Variants in SLC44A3 observed in about 807,000 individuals in gnomAD.
SLC44A3 encodes the protein choline transporter-like protein 3.
In SLC44A3, 74 loss-of-function variants were observed where a neutral mutation model predicts 75.4. That is an observed-to-expected ratio of 0.98 (90% CI 0.81 to 1.19). The LOEUF (loss-of-function observed/expected upper bound fraction) is 1.19, where lower values mean the gene tolerates loss of function less well. Among genes scored for constraint, SLC44A3 ranks in the 50% most tolerant of loss-of-function variants. SLC44A3 has a pLI of 0.00. For missense variants in SLC44A3, 700 were observed against 778.6 expected, an observed-to-expected ratio of 0.90 and a Z score of 1.20; for synonymous variants, 310 against 296.9, an observed-to-expected ratio of 1.04 and a Z score of -0.45.
At chr1:94,881,392 G>A (rs1277007480) in intron 12 of SLC44A3, among the ~76,000 whole-genome samples, 1 of 152,198 alleles carries the variant, frequency 6.6e-6, no homozygotes, top group Non-Finnish European at 1.5e-5. Flanking sequence ...CTTCAAATCA[G>A]AGAAGGTTGA....
At chr1:94,831,251 G>A (rs1226199218) in intron 5 of SLC44A3, among the ~76,000 whole-genome samples, 1 of 152,178 alleles carries the variant, frequency 6.6e-6, no homozygotes, top group Non-Finnish European at 1.5e-5. Flanking sequence ...CCTTGACTGA[G>A]TGGCCTTTTT....
Position 94,828,829 on chromosome 1 carries a change from G to A in SLC44A3, c.509+243G>A, listed in dbSNP as rs567393202. Among the ~76,000 whole-genome samples, 11 of 152,290 alleles carry A rather than the reference G, an allele frequency of 7.2e-5. No individual in the cohort carries two copies. In the South Asian group the frequency reaches 1.0e-3, roughly 14 times the overall value. On this transcript the variant is annotated intron_variant, in intron 5 of 14. Coordinates refer to ENST00000271227, the MANE Select transcript of SLC44A3 (RefSeq NM_001114106.3). ...AACTCAGCAAGCAATAAAAATACAC[G>A]TAGTCTTCAAAGAACACTAGAGCTA... is the stretch of plus-strand genomic sequence containing the variant.
intron 5 of SLC44A3, among the ~76,000 whole-genome samples, chr1:94,836,359 G>T (rs1039698938): frequency 1.6e-4 from 25 of 152,148 alleles, no homozygotes; most frequent in African/African-American, 5.6e-4. Context: ...CTAAAAAAAG[G>T]TCAACTTTCT....
At chr1:94,866,030 C>T (rs1010129210) in intron 11 of SLC44A3, among the ~76,000 whole-genome samples, 1 of 152,152 alleles carries the variant, frequency 6.6e-6, no homozygotes, top group Admixed American at 6.5e-5. Flanking sequence ...TAATATTTTG[C>T]TTGGCCACAT....
intron 9 of SLC44A3, among the ~76,000 whole-genome samples, chr1:94,848,888 G>A (rs1449584862): frequency 2.0e-5 from 3 of 152,076 alleles, no homozygotes; most frequent in Non-Finnish European, 1.5e-5. Flanking sequence ...GCTGGAAATC[G>A]CCAGGTCAGA....
At chr1:94,887,591 G>A (rs530696756) in intron 12 of SLC44A3, among the ~76,000 whole-genome samples, 41 of 152,286 alleles carry the variant, frequency 2.7e-4, no homozygotes, top group Non-Finnish European at 5.6e-4. Context: ...GCCAAAGAGC[G>A]AAATCTGTTT....
intron 2 of SLC44A3, among the ~76,000 whole-genome samples, chr1:94,823,180 C>A (rs1471866483): frequency 6.6e-6 from 1 of 152,144 alleles, no homozygotes; most frequent in Non-Finnish European, 1.5e-5. Flanking sequence ...GTGAGCTGGG[C>A]AGAAGCACAT....
intron 5 of SLC44A3, 108 bp from the exon 6 acceptor site, chr1:94,837,603 A>G (rs1188511324): frequency 9.8e-6 from 11 of 1,124,608 alleles, no homozygotes; most frequent in South Asian, 5.5e-5. Flanking sequence ...ACGCCTCTCT[A>G]TTACTGTAGT....
chr1:94,868,030 AC>A, intron 12 of SLC44A3, among the ~76,000 whole-genome samples: 1 of 152,180 alleles, frequency 6.6e-6, no homozygotes, highest in African/African-American at 2.4e-5. Context: ...CATAGATTTC[AC>A]CAGTCTTTCC....
intron 5 of SLC44A3, among the ~76,000 whole-genome samples, chr1:94,835,655 C>G (rs1425638980): frequency 6.6e-6 from 1 of 152,210 alleles, no homozygotes; most frequent in Non-Finnish European, 1.5e-5. Context: ...AATCTAACCA[C>G]TTTTCTCCCA....
chr1:94,893,956 A>G (rs1235468632), intron 14 of SLC44A3, among the ~76,000 whole-genome samples: 1 of 151,968 alleles, frequency 6.6e-6, no homozygotes, highest in Non-Finnish European at 1.5e-5. Flanking sequence ...TTAGCCAGGC[A>G]CAGTGGCAGG....
intron 12 of SLC44A3, among the ~76,000 whole-genome samples, chr1:94,879,548 A>G (rs1291250900): frequency 1.3e-5 from 2 of 148,736 alleles, no homozygotes; most frequent in South Asian, 2.1e-4. Flanking sequence ...AGAAAAAAAA[A>G]AAAAAAAAAG....
chr1:94,887,296 G>A (rs1669686357), intron 12 of SLC44A3, among the ~76,000 whole-genome samples: 1 of 152,118 alleles, frequency 6.6e-6, no homozygotes, highest in African/African-American at 2.4e-5. Flanking sequence ...CTGCAGAAAT[G>A]TTTAATCCGT....
chr1:94,890,988 AAGGAC>A, intron 12 of SLC44A3, 137 bp from the exon 13 acceptor site: 1 of 598,530 alleles, frequency 1.7e-6, no homozygotes, highest in Non-Finnish European at 2.8e-6. Context: ...TCAGACTGGA[AAGGAC>A]TTTGAAAATG....
At chr1:94,867,176 T>C (rs1667257029) in intron 11 of SLC44A3, among the ~76,000 whole-genome samples, 155 bp from the exon 12 acceptor site, 1 of 152,102 alleles carries the variant, frequency 6.6e-6, no homozygotes, top group African/African-American at 2.4e-5. Flanking sequence ...AGAACCATAA[T>C]TAGTAGTAGT....
chr1:94,868,631 C>T (rs17520351), intron 12 of SLC44A3, among the ~76,000 whole-genome samples: 8,813 of 152,072 alleles, frequency 0.058, 310 homozygotes, highest in Middle Eastern at 0.085. Context: ...TATATCCAGA[C>T]GGCAACTTCA....
At chr1:94,862,777 G>C (rs1425435794) in intron 10 of SLC44A3, among the ~76,000 whole-genome samples, 1 of 152,176 alleles carries the variant, frequency 6.6e-6, no homozygotes, top group Non-Finnish European at 1.5e-5. Context: ...GTCCTCCCCA[G>C]CCTCCTAATA....
chr1:94,838,759 A>G (rs1663159362), intron 6 of SLC44A3, among the ~76,000 whole-genome samples: 1 of 152,224 alleles, frequency 6.6e-6, no homozygotes, highest in African/African-American at 2.4e-5. Context: ...GACTCAAACA[A>G]GATGCTTTGA....
Position 94,878,211 on chromosome 1 carries a change from G to A in SLC44A3, c.1482+10794G>A, listed in dbSNP as rs536406203. ...GATCGCACCACTGCACTCCAACCTG[G>A]GCGACAGCGAGACTCCGTCTCACAA... On this transcript the variant is annotated intron_variant, in intron 12 of 14. Transcript: ENST00000271227. Among the ~76,000 whole-genome samples the A allele has an allele frequency of 1.5e-3, 229 of 152,122 alleles. 1 individual carries two copies. The highest frequency in any genetic ancestry group is 5.3e-3 in the African/African-American group (219 of 41,494).
Sources: allele counts gnomAD v4.1 joint callset (sites outside exome capture counted in the v4.1 genomes callset), GRCh38; gene constraint gnomAD v4.1.1; transcripts MANE v1.5; gene names NCBI Gene and HGNC (gene_info 2026-07-23, HGNC 2026-07-21).